Variants in CNTNAP2 observed in about 807,000 individuals in gnomAD.
CNTNAP2 encodes the protein contactin-associated protein-like 2.
A neutral mutation model predicts 155.2 loss-of-function variants in CNTNAP2; 98 were observed. The ratio of observed to expected loss-of-function variants is 0.63; its 90% CI spans 0.54 to 0.75. The LOEUF (loss-of-function observed/expected upper bound fraction) is 0.75. CNTNAP2 is among the 30% of genes least tolerant of loss of function. The probability of loss-of-function intolerance (pLI) is 0.00; values close to 1 mark genes in which losing one functional copy is unlikely to be tolerated. For missense variants in CNTNAP2, 1,727 were observed against 1,688.1 expected (o/e 1.02, Z -0.40); for synonymous variants, 651 against 631.2 (o/e 1.03, Z -0.47).
At chr7:146,202,978 C>A (rs1231988988) in intron 1 of CNTNAP2, among the ~76,000 whole-genome samples, 1 of 152,042 alleles carries the variant, frequency 6.6e-6, no homozygotes, top group Admixed American at 6.6e-5. Context: ...CTCTGATACA[C>A]TTTAGAGCTA....
chr7:148,110,845 C>A (rs1257351522), intron 15 of CNTNAP2, among the ~76,000 whole-genome samples: 1 of 152,148 alleles, frequency 6.6e-6, no homozygotes, highest in African/African-American at 2.4e-5. Context: ...GGGGGTAAAG[C>A]TCCTTAATAA....
At chr7:148,372,866 T>C (rs1248659700) in intron 21 of CNTNAP2, among the ~76,000 whole-genome samples, 1 of 152,266 alleles carries the variant, frequency 6.6e-6, no homozygotes, top group Non-Finnish European at 1.5e-5. Context: ...GTAAAAAATA[T>C]TTCTTTTTAT....
intron 9 of CNTNAP2, among the ~76,000 whole-genome samples, chr7:147,305,296 TAG>T (rs1161863844): frequency 3.3e-5 from 5 of 152,188 alleles, no homozygotes; most frequent in Admixed American, 6.5e-5. Flanking sequence ...TTTTATCAAG[TAG>T]TTATGTTTTA....
At chr7:146,395,178 C>T (rs1167815237) in intron 1 of CNTNAP2, among the ~76,000 whole-genome samples, 1 of 152,124 alleles carries the variant, frequency 6.6e-6, no homozygotes, top group Non-Finnish European at 1.5e-5. Flanking sequence ...CATATCTTTG[C>T]CATTGTGAAT....
chr7:147,200,374 G>T (rs982821046), intron 8 of CNTNAP2, among the ~76,000 whole-genome samples: 7 of 152,060 alleles, frequency 4.6e-5, no homozygotes, highest in African/African-American at 1.7e-4. Context: ...ACAGCTTATT[G>T]CTCGTAGCAA....
At chr7:146,989,452 A>G (rs1011019274) in intron 3 of CNTNAP2, among the ~76,000 whole-genome samples, 1 of 152,102 alleles carries the variant, frequency 6.6e-6, no homozygotes, top group African/African-American at 2.4e-5. Context: ...AAATTTGGCT[A>G]AAAGGGCTAA....
intron 13 of CNTNAP2, among the ~76,000 whole-genome samples, chr7:147,679,813 G>T (rs1055205672): frequency 1.3e-5 from 2 of 151,780 alleles, no homozygotes; most frequent in Non-Finnish European, 2.9e-5. Context: ...ATCACGTCAG[G>T]ATCATAATAT....
intron 3 of CNTNAP2, among the ~76,000 whole-genome samples, chr7:146,966,473 G>A (rs1797659418): frequency 6.6e-6 from 1 of 152,194 alleles, no homozygotes. Context: ...CCTTAGTGTG[G>A]AAGGTGATTC....
chr7:146,426,185 C>CAAAAAAAAAAAAAAAAAAA (rs57484419), intron 1 of CNTNAP2, among the ~76,000 whole-genome samples: 9 of 54,632 alleles, frequency 1.6e-4, no homozygotes, highest in African/African-American at 6.7e-4. Flanking sequence ...GACTTCGCCT[C>CAAAAAAAAAAAAAAAAAAA]AAAAAAAAAA....
At chr7:148,132,741 C>T (rs1033456886) in intron 16 of CNTNAP2, among the ~76,000 whole-genome samples, 2 of 152,198 alleles carry the variant, frequency 1.3e-5, no homozygotes, top group South Asian at 2.1e-4. Context: ...AGTCAAATCA[C>T]GGTCCTGCCT....
chr7:147,359,750 T>C (rs1422540753), intron 9 of CNTNAP2, among the ~76,000 whole-genome samples: 1 of 152,084 alleles, frequency 6.6e-6, no homozygotes, highest in African/African-American at 2.4e-5. Flanking sequence ...CTTCAAAATA[T>C]TGCCCAAATG....
chr7:146,441,058 G>A (rs546270950), intron 1 of CNTNAP2, among the ~76,000 whole-genome samples: 2 of 151,592 alleles, frequency 1.3e-5, no homozygotes, highest in South Asian at 2.1e-4. Context: ...AATTGTAGGC[G>A]TATTTCACTT....
intron 1 of CNTNAP2, among the ~76,000 whole-genome samples, chr7:146,676,660 T>G (rs1800403567): frequency 6.6e-6 from 1 of 152,132 alleles, no homozygotes; most frequent in South Asian, 2.1e-4. Flanking sequence ...TAATGGACTC[T>G]CAGTTCTACA....
At chr7:147,973,819 A>G (rs1483189564) in intron 14 of CNTNAP2, among the ~76,000 whole-genome samples, 1 of 152,178 alleles carries the variant, frequency 6.6e-6, no homozygotes, top group Non-Finnish European at 1.5e-5. Flanking sequence ...CTGAATCCAG[A>G]CTGCCACTGG....
intron 1 of CNTNAP2, among the ~76,000 whole-genome samples, chr7:146,688,656 A>G (rs1800644896): frequency 2.0e-5 from 3 of 151,998 alleles, no homozygotes; most frequent in Admixed American, 1.3e-4. Context: ...TAAGACAGGA[A>G]CTGGCTATTT....
chr7:146,464,742 C>T (rs774625058), intron 1 of CNTNAP2, among the ~76,000 whole-genome samples: 10 of 152,080 alleles, frequency 6.6e-5, no homozygotes, highest in South Asian at 2.1e-4. Flanking sequence ...CCTAGCACCA[C>T]GCTTAGCACA....
intron 1 of CNTNAP2, among the ~76,000 whole-genome samples, chr7:146,526,426 G>A (rs1040164628): frequency 6.6e-6 from 1 of 152,266 alleles, no homozygotes; most frequent in African/African-American, 2.4e-5. Flanking sequence ...ATGGTGGAAG[G>A]TGAAGGAAGG....
intron 13 of CNTNAP2, among the ~76,000 whole-genome samples, chr7:147,679,032 T>C (rs1795910304): frequency 6.6e-6 from 1 of 151,854 alleles, no homozygotes; most frequent in African/African-American, 2.4e-5. Context: ...TGTACTTACC[T>C]TAGAGAAATC....
chr7:146,856,054 T>A (rs1794975411), intron 3 of CNTNAP2, among the ~76,000 whole-genome samples: 1 of 136,990 alleles, frequency 7.3e-6, no homozygotes, highest in Admixed American at 7.9e-5. Context: ...CACCTTGTTA[T>A]ACCAGAAAGA....
Sources: allele counts gnomAD v4.1 joint callset (sites outside exome capture counted in the v4.1 genomes callset), GRCh38; gene constraint gnomAD v4.1.1; transcripts MANE v1.5; gene names NCBI Gene and HGNC (gene_info 2026-07-23, HGNC 2026-07-21).